The following ANKRD31 variants were observed in gnomAD, a reference collection of about 807,000 sequenced individuals.
ANKRD31 encodes the protein ankyrin repeat domain 31.
In ANKRD31, 147 loss-of-function variants were observed where a neutral mutation model predicts 186.0. That is an observed-to-expected ratio of 0.79 (90% CI 0.69 to 0.91). The LOEUF (loss-of-function observed/expected upper bound fraction) is 0.91. Among genes scored for constraint, ANKRD31 ranks in the 40% least tolerant of loss-of-function variants. ANKRD31 has a pLI of 0.00. For missense variants in ANKRD31, 1,986 were observed against 2,148.8 expected (o/e 0.92, Z 1.50); for synonymous variants, 673 against 736.4 (o/e 0.91, Z 1.39).
intron 10 of ANKRD31, among the ~76,000 whole-genome samples, chr5:75,180,083 C>A (rs1754166073): frequency 6.6e-6 from 1 of 152,148 alleles, no homozygotes; most frequent in African/African-American, 2.4e-5. Context: ...TTCTTATACA[C>A]CTATAACAGA....
chr5:75,068,347 C>G lies in ANKRD31; in HGVS notation c.*172G>C. 3.6e-6 allele frequency: 2 copies of G among 549,478 alleles called. No homozygotes were observed. The highest frequency in any genetic ancestry group is 4.3e-5 in the Admixed American group (1 of 23,152). The allele number at this position is 549,478 out of a possible 1,614,324, so 34.0% of individuals were successfully genotyped here. A position where few individuals can be genotyped will look rare whatever the true frequency, so the allele number is the denominator to read the frequency against. On this transcript the variant is annotated 3_prime_UTR_variant, in exon 26 of 26. Transcript: ENST00000506364. ...ATTTCAATGGCAAAAAAGCATTAATCTTATATAATTGTTGAACAGTTACAT... is the reference window on the plus strand; with the variant it reads ...ATTTCAATGGCAAAAAAGCATTAATGTTATATAATTGTTGAACAGTTACAT...
intron 20 of ANKRD31, among the ~76,000 whole-genome samples, chr5:75,108,806 A>G (rs936066395): frequency 6.6e-6 from 1 of 152,166 alleles, no homozygotes; most frequent in Non-Finnish European, 1.5e-5. Context: ...GAATTTAGAC[A>G]TAATTTTGTT....
Position 75,147,465 on chromosome 5 carries a change from T to C in ANKRD31, c.1946A>G (p.Tyr649Cys), listed in dbSNP as rs1751552602. The change falls in exon 14 of 26, where the codon TAT (tyrosine) becomes TGT (cysteine). Residue 649 changes from tyrosine (Y) to cysteine (C), a missense_variant. By Grantham distance (194) the Tyr-to-Cys change is radical (BLOSUM62 -2). Transcript: ENST00000506364. Reference sequence around the variant, plus strand: ...CTTCTGTCTGTTGGAATTTTCATTATAAACATGCCAAATGTGACTTTTAGA... The same window carrying C: ...CTTCTGTCTGTTGGAATTTTCATTACAAACATGCCAAATGTGACTTTTAGA... ...FSSKSHIWHVYNENSNRQKLE... is the reference protein window; with the variant it reads ...FSSKSHIWHVCNENSNRQKLE... The C allele has an allele frequency of 3.4e-6, 5 of 1,484,648 alleles. No individual in the cohort carries two copies. The African/African-American group carries it at 5.7e-5, about 17-fold the overall frequency. 92.0% of individuals were successfully genotyped at this position (1,484,648 alleles called of 1,614,324 possible).
chr5:75,181,933 AAAAAAAT>A (rs1391742776), intron 10 of ANKRD31, among the ~76,000 whole-genome samples: 9 of 151,872 alleles, frequency 5.9e-5, no homozygotes, highest in African/African-American at 2.2e-4. Flanking sequence ...GGTAGACTCA[AAAAAAAT>A]AAAAAATAAA....
chr5:75,235,004 C>T, intron 1 of ANKRD31, among the ~76,000 whole-genome samples: 1 of 152,014 alleles, frequency 6.6e-6, no homozygotes, highest in East Asian at 1.9e-4. Flanking sequence ...CTGTAATACA[C>T]TAAATTCCCA....
intron 22 of ANKRD31, among the ~76,000 whole-genome samples, chr5:75,093,044 C>A (rs1321165190): frequency 6.8e-6 from 1 of 146,716 alleles, no homozygotes; most frequent in Non-Finnish European, 1.6e-5. Context: ...GATATTGATA[C>A]AGAGTATGCA....
intron 1 of ANKRD31, among the ~76,000 whole-genome samples, chr5:75,233,457 GTATT>G (rs952229712): frequency 3.3e-5 from 5 of 152,176 alleles, no homozygotes; most frequent in Middle Eastern, 3.4e-3. Context: ...AATATTTAAA[GTATT>G]TAATCTATTT....
intron 10 of ANKRD31, among the ~76,000 whole-genome samples, chr5:75,185,356 G>A (rs1273562086): frequency 2.6e-5 from 4 of 152,074 alleles, no homozygotes; most frequent in Non-Finnish European, 5.9e-5. Flanking sequence ...TCAGGAGATC[G>A]AGACCATCCT....
intron 3 of ANKRD31, among the ~76,000 whole-genome samples, 185 bp from the exon 4 acceptor site, chr5:75,211,050 G>A (rs1439999323): frequency 6.6e-6 from 1 of 151,822 alleles, no homozygotes; most frequent in East Asian, 1.9e-4. Flanking sequence ...CAGTTCTCTG[G>A]CATTAAGTAT....
At position 75,068,512 on chromosome 5, in the gene ANKRD31, C is replaced by T. The variant is rs1016633090; in HGVS notation, c.*7G>A. The T allele has an allele frequency of 6.9e-7, 1 of 1,454,698 alleles. No homozygotes were observed. Among genetic ancestry groups the T allele is most frequent in the Non-Finnish European group, 9.0e-7 (1 of 1,110,638 alleles). The allele number at this position is 1,454,698 out of a possible 1,614,324, so 90.1% of individuals were successfully genotyped here. On this transcript the variant is annotated 3_prime_UTR_variant, in exon 26 of 26. Coordinates refer to ENST00000506364, the MANE Select transcript of ANKRD31 (RefSeq NM_001372053.1). ...AATATCCAATAAAATATTAAGAAAC[C>T]AAGGTTTTAGGGTGTTAGTTCCTCA...
intron 17 of ANKRD31, among the ~76,000 whole-genome samples, chr5:75,121,148 A>G (rs1201301927): frequency 6.6e-6 from 1 of 150,582 alleles, no homozygotes; most frequent in African/African-American, 2.4e-5. Context: ...GCATCACTAC[A>G]CTCCAGCCTG....
In ANKRD31 at chr5:75,194,040, T is replaced by C. The variant is rs555974686; in HGVS notation, c.1018-449A>G. ...AAGATAGTACATAACCTCCATTACA[T>C]TGATTTTAAAAGGTTAACAGTGTAT... On this transcript the variant is annotated intron_variant, in intron 7 of 25. Coordinates refer to ENST00000506364, the MANE Select transcript of ANKRD31 (RefSeq NM_001372053.1). Among the ~76,000 whole-genome samples, 8 of 152,170 alleles carry C rather than the reference T, an allele frequency of 5.3e-5. No homozygotes were observed. The East Asian group carries it at 1.2e-3, about 22-fold the overall frequency.
chr5:75,100,581 G>A (rs1746764053), intron 22 of ANKRD31, among the ~76,000 whole-genome samples: 1 of 151,954 alleles, frequency 6.6e-6, no homozygotes, highest in Admixed American at 6.6e-5. Context: ...GGTCTCTAAG[G>A]ACTTGCTTTA....
intron 11 of ANKRD31, 150 bp from the exon 12 acceptor site, chr5:75,154,495 T>C (rs1752034925): frequency 4.3e-6 from 3 of 698,280 alleles, no homozygotes; most frequent in Non-Finnish European, 6.1e-6. Flanking sequence ...AAAAAAAGAA[T>C]TAATGTAGTT....
intron 9 of ANKRD31, among the ~76,000 whole-genome samples, chr5:75,190,383 T>C (rs905085789): frequency 2.0e-5 from 3 of 152,178 alleles, no homozygotes; most frequent in Non-Finnish European, 2.9e-5. Flanking sequence ...GTTCTTATAA[T>C]GTCTTTGATT....
chr5:75,153,471 T>C (rs1751970075), intron 12 of ANKRD31, among the ~76,000 whole-genome samples: 1 of 152,016 alleles, frequency 6.6e-6, no homozygotes, highest in African/African-American at 2.4e-5. Flanking sequence ...GAACTAAGAC[T>C]TGGGGAGGCA....
chr5:75,160,541 T>C (rs1029652655), intron 11 of ANKRD31, among the ~76,000 whole-genome samples: 2 of 152,082 alleles, frequency 1.3e-5, no homozygotes, highest in African/African-American at 4.8e-5. Flanking sequence ...AAGGCAGAGA[T>C]GGTAAGATGT....
intron 3 of ANKRD31, among the ~76,000 whole-genome samples, chr5:75,212,999 T>C (rs1756744491): frequency 6.6e-6 from 1 of 151,816 alleles, no homozygotes; most frequent in Non-Finnish European, 1.5e-5. Flanking sequence ...ATGCAAATCA[T>C]ATCAAAAAAC....
At chr5:75,092,685 A>G in intron 22 of ANKRD31, among the ~76,000 whole-genome samples, 1 of 152,222 alleles carries the variant, frequency 6.6e-6, no homozygotes, top group South Asian at 2.1e-4. Flanking sequence ...GTTCCAACAA[A>G]AAGTTATGAG....
Sources: allele counts gnomAD v4.1 joint callset (sites outside exome capture counted in the v4.1 genomes callset), GRCh38; gene constraint gnomAD v4.1.1; transcripts MANE v1.5; gene names NCBI Gene and HGNC (gene_info 2026-07-23, HGNC 2026-07-21).